Variants in ZBTB26 observed in about 807,000 individuals in gnomAD.
ZBTB26 encodes zinc finger and BTB domain-containing protein 26.
Under a neutral mutation model 31.6 loss-of-function variants are expected in ZBTB26, and 12 were observed. The observed-to-expected ratio is 0.38, with a 90% CI of 0.24 to 0.61. ZBTB26 has a LOEUF of 0.61. ZBTB26 is among the 20% of genes least tolerant of loss of function. The pLI is 0.60. For missense variants in ZBTB26, 311 were observed against 521.9 expected, an observed-to-expected ratio of 0.60 and a Z score of 3.94; for synonymous variants, 155 against 182.9, an observed-to-expected ratio of 0.85 and a Z score of 1.23.
At position 122,920,782 on chromosome 9, in the gene ZBTB26, A is replaced by T. The variant is rs1833085273; in HGVS notation, c.-10-838T>A. ...TATGGTGGGAATCTGAGTAGCGGTA[A>T]CATAGATCGAATCAATCCCTATTAG... On this transcript the variant is annotated intron_variant, in intron 1 of 1. Coordinates refer to ENST00000373656, the MANE Select transcript of ZBTB26 (RefSeq NM_020924.4). Among the ~76,000 whole-genome samples the T allele has an allele frequency of 3.3e-5, 5 of 152,360 alleles. No homozygotes were observed. In the South Asian group the frequency reaches 1.0e-3, roughly 32 times the overall value.
At position 122,918,081 on chromosome 9, in the gene ZBTB26, C is replaced by T. The variant is rs889022676; in HGVS notation, c.*528G>A. On this transcript the variant is annotated 3_prime_UTR_variant, in exon 2 of 2. Transcript: ENST00000373656. ...CAGCATACTTCTTTATAGCCAGCTC[C>T]AAGACAAGTACAAATGGTAGGAAGC... 4.5e-5 allele frequency: 7 copies of T among 154,940 alleles called. No individual in the cohort carries two copies. The highest frequency in any genetic ancestry group is 7.1e-5 in the Non-Finnish European group (5 of 70,016). The allele number at this position is 154,940 out of a possible 1,614,324, so 9.6% of individuals were successfully genotyped here. A position where few individuals can be genotyped will look rare whatever the true frequency, so the allele number is the denominator to read the frequency against.
rs565325394 is a variant in ZBTB26, at chr9:122,925,504, C to G, written c.-10-5560G>C. Among the ~76,000 whole-genome samples, 4 of 152,252 alleles carry G rather than the reference C, an allele frequency of 2.6e-5. No homozygotes were observed. In the South Asian group the frequency reaches 8.3e-4, roughly 32 times the overall value. Reference sequence around the variant, plus strand: ...AACATAAATAACTTGTAAACCCCAACGGAGGTTGAAAGTGTTAAGTGTTAG... The same window carrying G: ...AACATAAATAACTTGTAAACCCCAAGGGAGGTTGAAAGTGTTAAGTGTTAG... On this transcript the variant is annotated intron_variant, in intron 1 of 1. Transcript: ENST00000373656.
chr9:122,922,861 A>G (rs926212053), intron 1 of ZBTB26, among the ~76,000 whole-genome samples: 18 of 152,236 alleles, frequency 1.2e-4, no homozygotes, highest in Non-Finnish European at 1.9e-4. Flanking sequence ...TAAAGATTCT[A>G]CATTTAGGAG....
Position 122,918,987 on chromosome 9 carries a change from G to A in ZBTB26, c.948C>T (p.His316=), listed in dbSNP as rs1198110295. Residue 316 remains histidine, a synonymous_variant, in exon 2 of 2, where the codon CAC becomes CAT. Coordinates refer to ENST00000373656, the MANE Select transcript of ZBTB26 (RefSeq NM_020924.4). The part of the protein sequence containing the change: ...TFTQKGNLHR[H]MRVHAGIKPF... ...GTTTAATTCCGGCATGCACACGCAT[G>A]TGTCGATGAAGGTTGCCTTTCTGAG... 2 of 1,614,234 alleles carry A rather than the reference G, an allele frequency of 1.2e-6. No homozygotes were observed. Among genetic ancestry groups the A allele is most frequent in the East Asian group, 4.5e-5 (2 of 44,886 alleles).
chr9:122,927,373 A>T (rs1209804574), intron 1 of ZBTB26, among the ~76,000 whole-genome samples: 1 of 152,254 alleles, frequency 6.6e-6, no homozygotes, highest in Admixed American at 6.5e-5. Context: ...TACTACAGGC[A>T]GTGAGAAAAT....
intron 1 of ZBTB26, among the ~76,000 whole-genome samples, chr9:122,928,778 T>A (rs1833223414): frequency 6.6e-6 from 1 of 152,222 alleles, no homozygotes; most frequent in Non-Finnish European, 1.5e-5. Flanking sequence ...TATTTCCCTA[T>A]CACTTGAAAT....
intron 1 of ZBTB26, among the ~76,000 whole-genome samples, chr9:122,921,774 A>G (rs1833103979): frequency 6.6e-6 from 1 of 152,166 alleles, no homozygotes; most frequent in Non-Finnish European, 1.5e-5. Context: ...TCTACTAAAA[A>G]TACAAAATTA....
chr9:122,916,840 G>C lies in ZBTB26; in HGVS notation c.*1769C>G, dbSNP rs566137266. ...TATGATAACAATGATACATGTAAAC[G>C]TATCAAATATAACAATTGAAGATCC... On this transcript the variant is annotated 3_prime_UTR_variant, in exon 2 of 2. Transcript: ENST00000373656. The C allele has an allele frequency of 3.9e-5, 6 of 152,122 alleles. No homozygotes were observed. Among genetic ancestry groups the C allele is most frequent in the African/African-American group, 1.4e-4 (6 of 41,430 alleles). 9.4% of individuals were successfully genotyped at this position (152,122 alleles called of 1,614,324 possible). A position where few individuals can be genotyped will look rare whatever the true frequency, so the allele number is the denominator to read the frequency against.
In ZBTB26 at chr9:122,916,476, C is replaced by A. The variant is rs371077769; in HGVS notation, c.*2133G>T. 3.9e-4 allele frequency: 60 copies of A among 152,146 alleles called. No homozygotes were observed. Among genetic ancestry groups the A allele is most frequent in the African/African-American group, 1.2e-3 (51 of 41,428 alleles). The allele number at this position is 152,146 out of a possible 1,614,324, so 9.4% of individuals were successfully genotyped here. Reference sequence around the variant, plus strand: ...GAGACCAATCTTATTTGAACCCGTGCCTTTTAGTCTTCAAACCAGTAACAA... The same window carrying A: ...GAGACCAATCTTATTTGAACCCGTGACTTTTAGTCTTCAAACCAGTAACAA... On this transcript the variant is annotated 3_prime_UTR_variant, in exon 2 of 2. Coordinates refer to ENST00000373656, the MANE Select transcript of ZBTB26 (RefSeq NM_020924.4).
At chr9:122,929,768 C>G (rs1833237918) in intron 1 of ZBTB26, among the ~76,000 whole-genome samples, 1 of 152,160 alleles carries the variant, frequency 6.6e-6, no homozygotes, top group Non-Finnish European at 1.5e-5. Flanking sequence ...CACCTCATCA[C>G]TGTACTAAAT....
intron 1 of ZBTB26, among the ~76,000 whole-genome samples, chr9:122,929,676 T>C (rs41319751): frequency 0.016 from 2,437 of 152,350 alleles, 34 homozygotes; most frequent in South Asian, 0.066. Context: ...TCAATTTTCT[T>C]TGTGAAATGC....
chr9:122,920,019 A>G (rs1264801706), intron 1 of ZBTB26, 75 bp from the exon 2 acceptor site: 1 of 1,465,086 alleles, frequency 6.8e-7, no homozygotes, highest in African/African-American at 1.4e-5. Context: ...TACCTTCCAA[A>G]AACAAATCTG....
intron 1 of ZBTB26, among the ~76,000 whole-genome samples, chr9:122,925,584 T>C (rs1404390698): frequency 6.6e-6 from 1 of 152,044 alleles, no homozygotes; most frequent in African/African-American, 2.4e-5. Flanking sequence ...ATGAAACAAC[T>C]AATCTAGGTA....
Position 122,918,640 on chromosome 9 carries a change from T to C in ZBTB26, c.1295A>G (p.Asn432Ser), listed in dbSNP as rs1833051072. 8.7e-6 allele frequency: 14 copies of C among 1,613,974 alleles called. No homozygotes were observed. The highest frequency in any genetic ancestry group is 1.2e-5 in the Non-Finnish European group (14 of 1,179,934). The change falls in exon 2 of 2, where the codon AAC becomes AGC. Residue 432 changes from asparagine to serine, a missense_variant. Physicochemically the swap from Asn to Ser is conservative, Grantham distance 46. Coordinates refer to ENST00000373656, the MANE Select transcript of ZBTB26 (RefSeq NM_020924.4). ...CACACAAGTACTATCATTTCTTAAG[T>C]TCAGGACAGCTTGGGCCAGTTTACC... ...DAGKLAQAVLNLRNDSTCVN is the reference protein window; with the variant it reads ...DAGKLAQAVLSLRNDSTCVN
In ZBTB26 at chr9:122,922,790, A is replaced by G. The variant is rs185604541; in HGVS notation, c.-10-2846T>C. Among the ~76,000 whole-genome samples the G allele has an allele frequency of 2.1e-3, 325 of 152,392 alleles. 2 individuals are homozygous for G. The highest frequency in any genetic ancestry group is 7.1e-3 in the African/African-American group (297 of 41,598). ...GGAATAAGACGAAAGGAAAAATAAC[A>G]AAAGATATTTCAAAGAACTTGGTAA... is the stretch of plus-strand genomic sequence containing the variant. On this transcript the variant is annotated intron_variant, in intron 1 of 1. Coordinates refer to ENST00000373656, the MANE Select transcript of ZBTB26 (RefSeq NM_020924.4).
chr9:122,925,298 C>T (rs926685354), intron 1 of ZBTB26, among the ~76,000 whole-genome samples: 15 of 152,020 alleles, frequency 9.9e-5, no homozygotes, highest in African/African-American at 3.4e-4. Flanking sequence ...CTTGAGCCCA[C>T]GAGGCAGACG....
At chr9:122,920,112 A>C (rs1490158922) in intron 1 of ZBTB26, among the ~76,000 whole-genome samples, 168 bp from the exon 2 acceptor site, 3 of 152,240 alleles carry the variant, frequency 2.0e-5, no homozygotes, top group Admixed American at 6.5e-5. Flanking sequence ...AAAGGCTGTT[A>C]AAAATTACAC....
rs199721553 is a variant in ZBTB26 at position 122,928,429 on chromosome 9, TC to T, written c.-11+3007del. ...GATTCTCATGCCTCAGCCTCCCACCTCCCAAAGTGCTGGGATTACAGGCGTG... is the reference window on the plus strand; with the variant it reads ...GATTCTCATGCCTCAGCCTCCCACCTCCAAAGTGCTGGGATTACAGGCGTG... On this transcript the variant is annotated intron_variant, in intron 1 of 1. Transcript: ENST00000373656. Among the ~76,000 whole-genome samples the T allele has an allele frequency of 5.9e-3, 899 of 152,220 alleles. 12 individuals carry two copies. The highest frequency in any genetic ancestry group is 0.017 in the Middle Eastern group (5 of 294).
At chr9:122,925,992 CG>C (rs922823993) in intron 1 of ZBTB26, among the ~76,000 whole-genome samples, 44 of 151,862 alleles carry the variant, frequency 2.9e-4, no homozygotes, top group Non-Finnish European at 5.1e-4. Flanking sequence ...ACTCCCGACC[CG>C]GGTGATTCAC....
Sources: gnomAD v4.1 joint callset for allele counts (sites outside exome capture counted in the v4.1 genomes callset) on GRCh38, gnomAD v4.1.1 for gene constraint, MANE v1.5 for transcripts, NCBI Gene and HGNC (gene_info 2026-07-23, HGNC 2026-07-21) for gene names.